Variants in DTNA observed in about 807,000 individuals in gnomAD.
DTNA encodes dystrobrevin alpha, also known as dystrophin-related protein 3.
DTNA carries 43 observed loss-of-function variants against 100.7 expected under a neutral mutation model. The observed-to-expected ratio is 0.43, with a 90% CI of 0.33 to 0.55. The LOEUF (loss-of-function observed/expected upper bound fraction) is 0.55. Among genes scored for constraint, DTNA ranks in the 20% least tolerant of loss-of-function variants. DTNA has a pLI of 0.04. For synonymous variants in DTNA, 349 were observed against 347.9 expected, an observed-to-expected ratio of 1.00 and a Z score of -0.04; for missense variants, 798 against 953.9, an observed-to-expected ratio of 0.84 and a Z score of 2.15.
chr18:34,809,677 C>T (rs1477610360), intron 5 of DTNA, among the ~76,000 whole-genome samples: 5 of 152,138 alleles, frequency 3.3e-5, no homozygotes, highest in Non-Finnish European at 7.3e-5. Context: ...AGATATTTAG[C>T]TCGTTCCAGC....
chr18:34,637,868 A>G (rs1023192697), intron 1 of DTNA, among the ~76,000 whole-genome samples: 4 of 152,258 alleles, frequency 2.6e-5, no homozygotes, highest in Non-Finnish European at 5.9e-5. Context: ...CAAATATTTG[A>G]GAGCACTGAG....
intron 1 of DTNA, among the ~76,000 whole-genome samples, chr18:34,701,208 A>G (rs1568255824): frequency 6.6e-6 from 1 of 152,172 alleles, no homozygotes; most frequent in Non-Finnish European, 1.5e-5. Context: ...AGTTGTCTAC[A>G]CAGGCTGACT....
At chr18:34,697,688 C>T (rs974316972) in intron 1 of DTNA, among the ~76,000 whole-genome samples, 2 of 152,052 alleles carry the variant, frequency 1.3e-5, no homozygotes, top group South Asian at 2.1e-4. Context: ...TGAAATAGAG[C>T]GAGGCTGTGG....
chr18:34,715,774 G>T (rs565252140), intron 1 of DTNA, among the ~76,000 whole-genome samples: 1 of 151,982 alleles, frequency 6.6e-6, no homozygotes, highest in East Asian at 1.9e-4. Flanking sequence ...AAAGATAAAT[G>T]GCAAATTAGA....
intron 10 of DTNA, among the ~76,000 whole-genome samples, chr18:34,828,087 G>A (rs746588580): frequency 6.6e-6 from 1 of 152,120 alleles, no homozygotes; most frequent in African/African-American, 2.4e-5. Context: ...AGATACAAAA[G>A]AATCCTTTGT....
At chr18:34,838,669 C>T in intron 12 of DTNA, 76 bp from the exon 13 acceptor site, 2 of 1,308,310 alleles carry the variant, frequency 1.5e-6, no homozygotes, top group Non-Finnish European at 2.2e-6. Flanking sequence ...CTACCAAAAA[C>T]TCACTCCTAC....
intron 1 of DTNA, among the ~76,000 whole-genome samples, chr18:34,498,257 T>C (rs2039481716): frequency 6.6e-6 from 1 of 151,626 alleles, no homozygotes; most frequent in Non-Finnish European, 1.5e-5. Context: ...CTACTAAAAA[T>C]ACGAAAACAA....
At chr18:34,539,358 A>G (rs2044030368) in intron 1 of DTNA, among the ~76,000 whole-genome samples, 1 of 152,002 alleles carries the variant, frequency 6.6e-6, no homozygotes, top group South Asian at 2.1e-4. Context: ...TGTAGATTCT[A>G]GTTTCTTAAA....
chr18:34,829,081 A>C, intron 10 of DTNA: 1 of 1,614,156 alleles, frequency 6.2e-7, no homozygotes, highest in Non-Finnish European at 8.5e-7. Flanking sequence ...GATGGATAAC[A>C]TGACTTCTTC....
intron 1 of DTNA, among the ~76,000 whole-genome samples, chr18:34,564,433 A>G (rs926151303): frequency 1.8e-4 from 27 of 152,196 alleles, no homozygotes; most frequent in African/African-American, 6.3e-4. Flanking sequence ...CGTGAGCCAC[A>G]GCACCTGGCC....
chr18:34,663,034 C>G (rs2075406317), intron 1 of DTNA: 1 of 152,176 alleles, frequency 6.6e-6, no homozygotes, highest in Admixed American at 6.5e-5. Flanking sequence ...TGGCACCAAG[C>G]TCTACTGGTA....
chr18:34,794,298 C>G lies in DTNA; in HGVS notation c.362+48C>G, dbSNP rs546542217. On this transcript the variant is annotated intron_variant, in intron 4 of 22. Transcript: ENST00000444659. ...TTCCTCTCTACATGTTTGGCTTTCACTTCCTGTCTTACTTGGTCTTTTTCC... is the reference window on the plus strand; with the variant it reads ...TTCCTCTCTACATGTTTGGCTTTCAGTTCCTGTCTTACTTGGTCTTTTTCC... 2.5e-6 allele frequency: 4 copies of G among 1,605,894 alleles called. No individual in the cohort carries two copies. The African/African-American group carries it at 5.3e-5, about 21-fold the overall frequency.
intron 1 of DTNA, among the ~76,000 whole-genome samples, chr18:34,745,400 A>G (rs1201554577): frequency 1.3e-5 from 2 of 151,524 alleles, no homozygotes; most frequent in Non-Finnish European, 2.9e-5. Flanking sequence ...TTTTCTCAAC[A>G]CATTAGAATT....
chr18:34,781,023 A>C (rs1024850690), intron 3 of DTNA, among the ~76,000 whole-genome samples: 2 of 152,150 alleles, frequency 1.3e-5, no homozygotes, highest in African/African-American at 2.4e-5. Context: ...GTTTGTACTG[A>C]GATGTCAGAG....
intron 1 of DTNA, among the ~76,000 whole-genome samples, chr18:34,634,880 A>G (rs2058493645): frequency 6.6e-6 from 1 of 152,198 alleles, no homozygotes; most frequent in Admixed American, 6.5e-5. Context: ...GTTATTAACT[A>G]TAGTCACTGC....
intron 1 of DTNA, among the ~76,000 whole-genome samples, chr18:34,658,288 T>C (rs2074681260): frequency 6.6e-6 from 1 of 152,182 alleles, no homozygotes; most frequent in African/African-American, 2.4e-5. Flanking sequence ...GAAATTACAA[T>C]CTTTCAGTAG....
rs570093404 is a variant in DTNA at position 34,875,265 on chromosome 18, C to T, written c.1770C>T (p.Ser590=). Residue 590 remains serine (S), a synonymous_variant, in exon 18 of 23, where the codon TCC becomes TCT. Transcript: ENST00000444659. ...LKTQGAGSPR[S]SPSHTISRPI... is the part of the protein sequence containing the mutation. ...CTCAGGGGGCAGGCTCTCCCCGCTC[C>T]TCCCCCAGCCACACCATCAGCAGGC... 6 of 1,614,010 alleles carry T rather than the reference C, an allele frequency of 3.7e-6. No homozygotes were observed. In the African/African-American group the frequency reaches 5.3e-5, roughly 14 times the overall value.
chr18:34,737,585 C>T (rs1018020423), intron 1 of DTNA, among the ~76,000 whole-genome samples: 1 of 152,130 alleles, frequency 6.6e-6, no homozygotes, highest in Non-Finnish European at 1.5e-5. Context: ...GAATAGGCCT[C>T]GATGTGTGAA....
chr18:34,516,113 C>T (rs1202763150), intron 1 of DTNA, among the ~76,000 whole-genome samples: 2 of 151,972 alleles, frequency 1.3e-5, no homozygotes, highest in Non-Finnish European at 2.9e-5. Flanking sequence ...TTCTATTTTC[C>T]CTAAGTGTTG....
Sources: allele counts gnomAD v4.1 joint callset (sites outside exome capture counted in the v4.1 genomes callset), GRCh38; gene constraint gnomAD v4.1.1; transcripts MANE v1.5; gene names NCBI Gene and HGNC (gene_info 2026-07-23, HGNC 2026-07-21).